Variants in PHF10 observed in about 807,000 individuals in gnomAD.
The protein encoded by PHF10 is PHD finger protein 10.
Under a neutral mutation model 68.5 loss-of-function variants are expected in PHF10, and 51 were observed. That is an observed-to-expected ratio of 0.74 (90% CI 0.59 to 0.94). The LOEUF (loss-of-function observed/expected upper bound fraction) is 0.94, where lower values mean the gene tolerates loss of function less well. Among genes scored for constraint, PHF10 ranks in the 40% least tolerant of loss-of-function variants. The pLI, the probability that PHF10 is intolerant of heterozygous loss-of-function variation, is 0.00. For missense variants in PHF10, 460 were observed against 602.6 expected (o/e 0.76, Z 2.48); for synonymous variants, 204 against 203.5 (o/e 1.00, Z -0.02).
chr6:169,717,293 G>C (rs995639989), intron 4 of PHF10, among the ~76,000 whole-genome samples: 2 of 152,178 alleles, frequency 1.3e-5, no homozygotes, highest in South Asian at 2.1e-4. Context: ...TTATAGAATA[G>C]AGGTTGATCC....
rs1237628119 is a variant in PHF10, at chr6:169,724,484, G to C, written c.-553C>G. Among the ~76,000 whole-genome samples, 2 of 104,122 alleles carry C rather than the reference G, an allele frequency of 1.9e-5. No individual in the cohort carries two copies. Among genetic ancestry groups the C allele is most frequent in the African/African-American group, 7.3e-5 (2 of 27,402 alleles). 68.3% of individuals were successfully genotyped at this position (104,122 alleles called of 152,430 possible). On this transcript the variant is annotated 5_prime_UTR_variant, in exon 1 of 12. Coordinates refer to ENST00000339209, the MANE Select transcript of PHF10 (RefSeq NM_018288.4). ...GCCCCGCCGCCGCCTGGCTCCCCAC[G>C]GCCCGGCGTTGTACTCGGCCGCGGC...
At position 169,704,057 on chromosome 6, in the gene PHF10, G is replaced by A. The variant is rs1301511842; in HGVS notation, c.1443C>T (p.Ala481=). The change falls in exon 12 of 12, where the codon GCC becomes GCT. Residue 481 remains alanine, a synonymous_variant. Coordinates refer to ENST00000339209, the MANE Select transcript of PHF10 (RefSeq NM_018288.4). ...TGCCCACTTTCCTGGGTGTTGGGGGGGCCCGCTGACAACAGTCACAAATCC... is the reference window on the plus strand; with the variant it reads ...TGCCCACTTTCCTGGGTGTTGGGGGAGCCCGCTGACAACAGTCACAAATCC... ...GRWICDCCQR[A]PPTPRKVGRR... The A allele has an allele frequency of 3.2e-6, 5 of 1,581,404 alleles. No individual in the cohort carries two copies. The African/African-American group carries it at 4.1e-5, about 13-fold the overall frequency.
chr6:169,704,301 G>C, intron 11 of PHF10: 1 of 502,714 alleles, frequency 2.0e-6, no homozygotes. Flanking sequence ...AGTCAAGGGG[G>C]ATGGGAGAGA....
At chr6:169,716,484 C>T (rs1450585714) in intron 4 of PHF10, among the ~76,000 whole-genome samples, 1 of 151,620 alleles carries the variant, frequency 6.6e-6, no homozygotes, top group Admixed American at 6.6e-5. Context: ...ATTCCATACA[C>T]AAGAAATATT....
intron 9 of PHF10, chr6:169,707,478 T>C (rs985419319): frequency 2.6e-5 from 4 of 152,232 alleles, no homozygotes; most frequent in Admixed American, 6.5e-5. Flanking sequence ...CTGTACTAAA[T>C]GTAAAAGATA....
chr6:169,706,076 T>G (rs1259354176), intron 9 of PHF10, among the ~76,000 whole-genome samples: 2 of 152,178 alleles, frequency 1.3e-5, no homozygotes, highest in South Asian at 2.1e-4. Flanking sequence ...AAATGACCAT[T>G]ATGTGTAAGA....
intron 9 of PHF10, 97 bp downstream of exon 9, chr6:169,710,139 A>G (rs966154205): frequency 1.0e-5 from 9 of 866,490 alleles, no homozygotes; most frequent in Non-Finnish European, 1.6e-5. Context: ...AGTGAGGTAC[A>G]GCAGGCAGAA....
chr6:169,717,550 G>C (rs1292382077), intron 4 of PHF10, among the ~76,000 whole-genome samples: 1 of 152,196 alleles, frequency 6.6e-6, no homozygotes, highest in Non-Finnish European at 1.5e-5. Context: ...AATAATGGTT[G>C]TATAGACACT....
chr6:169,717,933 T>C (rs1191206756), intron 3 of PHF10, 27 bp from the exon 4 acceptor site: 2 of 1,160,754 alleles, frequency 1.7e-6, no homozygotes, highest in Non-Finnish European at 2.5e-6. Context: ...AAAAGACTAT[T>C]AAAAACAGCA....
intron 7 of PHF10, 132 bp downstream of exon 7, chr6:169,714,601 T>G (rs187754138): frequency 7.6e-6 from 5 of 661,478 alleles, no homozygotes; most frequent in Non-Finnish European, 1.4e-5. Flanking sequence ...CAGAGAAGAA[T>G]AGCAACACAA....
chr6:169,711,604 C>A (rs906101376), intron 8 of PHF10, among the ~76,000 whole-genome samples: 2 of 152,192 alleles, frequency 1.3e-5, no homozygotes, highest in African/African-American at 4.8e-5. Context: ...CATGCCATAG[C>A]TCCCCTTTTA....
chr6:169,718,807 G>A lies in PHF10; in HGVS notation c.306C>T (p.Ser102=). The change falls in exon 3 of 12, where the codon TCC becomes TCT. Residue 102 remains serine (S), a synonymous_variant. Coordinates refer to ENST00000339209, the MANE Select transcript of PHF10 (RefSeq NM_018288.4). ...EQVSEYLGVT[S]FKRKYPDLER... ...TAGTACCTGGATATTTCCTTTTAAAGGAGGTCACACCCAAATATTCACTGA... is the reference window on the plus strand; with the variant it reads ...TAGTACCTGGATATTTCCTTTTAAAAGAGGTCACACCCAAATATTCACTGA... 3.2e-6 allele frequency: 5 copies of A among 1,568,650 alleles called. No homozygotes were observed.
At position 169,718,911 on chromosome 6, in the gene PHF10, A is replaced by G; in HGVS notation, c.202T>C (p.Tyr68His). 1 of 1,575,944 alleles carries G rather than the reference A, an allele frequency of 6.3e-7. No homozygotes were observed. The highest frequency in any genetic ancestry group is 1.1e-5 in the South Asian group (1 of 89,560). ...TCTATCAAGTTTTCTGCTGGATAGT[A>G]ACTAAAACTAAGTACAGAAATACAT... is the stretch of plus-strand genomic sequence containing the variant. Reference protein sequence around the residue: ...ETSSQDLGFSYYPAENLIEYK... With the variant: ...ETSSQDLGFSHYPAENLIEYK... Residue 68 changes from tyrosine to histidine, a missense_variant, in exon 3 of 12, where the codon TAC becomes CAC. Physicochemically the swap from Tyr to His is moderately conservative, Grantham distance 83. Coordinates refer to ENST00000339209, the MANE Select transcript of PHF10 (RefSeq NM_018288.4).
At position 169,714,755 on chromosome 6, in the gene PHF10, G is replaced by C. The variant is rs1202001279; in HGVS notation, c.781C>G (p.Gln261Glu). ...SSYPVALIPG[Q>E]FQEYYKRYSP... is the part of the protein sequence containing the mutation. The stretch of plus-strand genomic sequence containing the variant: ...TACCTCTTATAATATTCCTGGAACT[G>C]TCCGGGGATGAGAGCCACTGGGTAA... The change falls in exon 7 of 12, where the codon CAG (glutamine) becomes GAG (glutamate). Residue 261 changes from glutamine to glutamate, a missense_variant. By Grantham distance (29) the Gln-to-Glu change is conservative. Transcript: ENST00000339209. 1 of 1,575,420 alleles carries C rather than the reference G, an allele frequency of 6.3e-7. No individual in the cohort carries two copies. Among genetic ancestry groups the C allele is most frequent in the East Asian group, 2.2e-5 (1 of 44,718 alleles).
Position 169,720,896 on chromosome 6 carries a change from T to C in PHF10, c.194+109A>G, listed in dbSNP as rs140672066. On this transcript the variant is annotated intron_variant, in intron 2 of 11. Transcript: ENST00000339209. ...ACATTATAGAACAGGAAGAAAATAT[T>C]CTACAATTTTTAATAATTGCCTTTG... is the stretch of plus-strand genomic sequence containing the variant. 3.8e-4 allele frequency: 233 copies of C among 620,644 alleles called. 1 individual carries two copies. In the Middle Eastern group the frequency reaches 4.4e-3, roughly 12 times the overall value. The allele number at this position is 620,644 out of a possible 1,614,324, so 38.4% of individuals were successfully genotyped here.
intron 1 of PHF10, among the ~76,000 whole-genome samples, 197 bp downstream of exon 1, chr6:169,723,648 C>T (rs559302221): frequency 6.6e-6 from 1 of 152,172 alleles, no homozygotes; most frequent in South Asian, 2.1e-4. Context: ...CCCCGCCCGC[C>T]CGCACTTGTT....
In PHF10 at chr6:169,715,746, T is replaced by C. The variant is rs1353479330; in HGVS notation, c.655A>G (p.Met219Val). ...EFNSNLNRER[M>V]EERRAYFDLQ... ...TCAAAATAAGCTCTTCTTTCTTCCA[T>C]GCGTTCCCGGTTTAAGTTGCTATTA... is the stretch of plus-strand genomic sequence containing the variant. Residue 219 changes from methionine (M) to valine (V), a missense_variant, in exon 6 of 12, where the codon ATG becomes GTG. Coordinates refer to ENST00000339209, the MANE Select transcript of PHF10 (RefSeq NM_018288.4). The C allele has an allele frequency of 9.9e-6, 16 of 1,612,612 alleles. No homozygotes were observed. Among genetic ancestry groups the C allele is most frequent in the African/African-American group, 2.7e-5 (2 of 74,906 alleles).
intron 11 of PHF10, chr6:169,704,795 A>G (rs1585295324): frequency 1.0e-5 from 2 of 197,678 alleles, no homozygotes; most frequent in African/African-American, 4.7e-5. Context: ...ATAGAAATGT[A>G]TAAAGACGTA....
chr6:169,703,919 CT>C lies in PHF10; in HGVS notation c.*83del. 3 of 1,145,930 alleles carry C rather than the reference CT, an allele frequency of 2.6e-6. No homozygotes were observed. Among genetic ancestry groups the C allele is most frequent in the Middle Eastern group, 2.0e-4 (1 of 4,894 alleles). The allele number at this position is 1,145,930 out of a possible 1,614,324, so 71.0% of individuals were successfully genotyped here. On this transcript the variant is annotated 3_prime_UTR_variant, in exon 12 of 12. Transcript: ENST00000339209. ...TAAGCTCATAATTTGCAAAAAAAAT[CT>C]TTTATTGGCATGAAAATAATGTTGT... is the stretch of plus-strand genomic sequence containing the variant.
Sources: gnomAD v4.1 joint callset for allele counts (sites outside exome capture counted in the v4.1 genomes callset) on GRCh38, gnomAD v4.1.1 for gene constraint, MANE v1.5 for transcripts, NCBI Gene and HGNC (gene_info 2026-07-23, HGNC 2026-07-21) for gene names.